UPB1: variants seen among roughly 807,000 people sequenced by gnomAD.
The protein encoded by UPB1 is beta-ureidopropionase 1.
Under a neutral mutation model 49.1 loss-of-function variants are expected in UPB1, and 40 were observed. That is an observed-to-expected ratio of 0.81 (90% CI 0.63 to 1.06). The LOEUF is 1.06. Among genes scored for constraint, UPB1 ranks in the 50% least tolerant of loss-of-function variants. The pLI is 0.00. For synonymous variants in UPB1, 207 were observed against 198.2 expected, an observed-to-expected ratio of 1.04 and a Z score of -0.38; for missense variants, 499 against 505.9, an observed-to-expected ratio of 0.99 and a Z score of 0.13.
intron 5 of UPB1, 27 bp downstream of exon 5, chr22:24,513,512 A>G: frequency 6.2e-7 from 1 of 1,609,538 alleles, no homozygotes; most frequent in South Asian, 1.1e-5. Context: ...ATAGATAACC[A>G]GCCCTGCTCA....
chr22:24,525,945 T>A lies in UPB1; in HGVS notation c.*151T>A. On this transcript the variant is annotated 3_prime_UTR_variant, in exon 10 of 10. Transcript: ENST00000326010. The stretch of plus-strand genomic sequence containing the variant: ...GGCAGGGGGAGAGTGGCATGGGGAG[T>A]GACTTCTTAATGGGTAAGGGGCTGC... The A allele has an allele frequency of 1.1e-6, 1 of 920,948 alleles. No homozygotes were observed. The highest frequency in any genetic ancestry group is 1.7e-6 in the Non-Finnish European group (1 of 578,704). The allele number at this position is 920,948 out of a possible 1,614,324, so 57.0% of individuals were successfully genotyped here. A position where few individuals can be genotyped will look rare whatever the true frequency, so the allele number is the denominator to read the frequency against.
chr22:24,523,786 G>A lies in UPB1; in HGVS notation c.1071+13G>A. The A allele has an allele frequency of 6.2e-7, 1 of 1,614,144 alleles. No homozygotes were observed. Among genetic ancestry groups the A allele is most frequent in the Non-Finnish European group, 8.5e-7 (1 of 1,180,040 alleles). On this transcript the variant is annotated intron_variant, in intron 9 of 9. Coordinates refer to ENST00000326010, the MANE Select transcript of UPB1 (RefSeq NM_016327.3). ...CTGGAACTTCAAGGTAGGTCCCCAG[G>A]ACCCCTGTTGTTGCCTGCTCCTCTG... is the stretch of plus-strand genomic sequence containing the variant.
chr22:24,509,496 T>TTCATCCTG (rs2044157986), intron 3 of UPB1, among the ~76,000 whole-genome samples: 1 of 151,986 alleles, frequency 6.6e-6, no homozygotes, highest in Non-Finnish European at 1.5e-5. Flanking sequence ...CTTGCAGATG[T>TTCATCCTG]TCATCCTGTC....
rs1417903676 is a variant in UPB1 at position 24,500,247 on chromosome 22, C to G, written c.245C>G (p.Pro82Arg). The change falls in exon 2 of 10, where the codon CCC becomes CGC. Residue 82 changes from proline (P) to arginine (R), a missense_variant. Transcript: ENST00000326010. ...GTGGGGCTGGTTCAGAACAGAATCC[C>G]CCTCCCCGCAAATGCCCCTGTGGCA... ...VHVGLVQNRI[P>R]LPANAPVAEQ... is the part of the protein sequence containing the mutation. 9 of 1,614,092 alleles carry G rather than the reference C, an allele frequency of 5.6e-6. No homozygotes were observed. Among genetic ancestry groups the G allele is most frequent in the Non-Finnish European group, 5.9e-6 (7 of 1,180,054 alleles).
At chr22:24,506,682 C>T (rs1286517655) in intron 3 of UPB1, among the ~76,000 whole-genome samples, 1 of 152,242 alleles carries the variant, frequency 6.6e-6, no homozygotes, top group Non-Finnish European at 1.5e-5. Context: ...CTTCATTAGA[C>T]TATGAGCTCC....
In UPB1 at chr22:24,526,002, C is replaced by T; in HGVS notation, c.*208C>T. ...CTGGGGTATTGGAAATGTTTGGGGA[C>T]TAGGTAGAGGTGAATGTACTAAATG... On this transcript the variant is annotated 3_prime_UTR_variant, in exon 10 of 10. Coordinates refer to ENST00000326010, the MANE Select transcript of UPB1 (RefSeq NM_016327.3). The T allele has an allele frequency of 1.6e-6, 1 of 629,520 alleles. No individual in the cohort carries two copies. The allele number at this position is 629,520 out of a possible 1,614,324, so 39.0% of individuals were successfully genotyped here. A position where few individuals can be genotyped will look rare whatever the true frequency, so the allele number is the denominator to read the frequency against.
intron 3 of UPB1, among the ~76,000 whole-genome samples, chr22:24,510,050 T>C (rs2147019655): frequency 6.6e-6 from 1 of 152,116 alleles, no homozygotes; most frequent in East Asian, 1.9e-4. Flanking sequence ...CTGACCAACA[T>C]GGAGAAACCC....
intron 3 of UPB1, 49 bp from the exon 4 acceptor site, chr22:24,510,700 C>T: frequency 6.3e-7 from 1 of 1,589,968 alleles, no homozygotes. Flanking sequence ...GAGCCCCCCT[C>T]AGAGGCTGTG....
Position 24,527,765 on chromosome 22 carries a change from G to C in UPB1, c.*1971G>C, listed in dbSNP as rs1004565833. 5.3e-5 allele frequency: 8 copies of C among 151,214 alleles called. No individual in the cohort carries two copies. Among genetic ancestry groups the C allele is most frequent in the Non-Finnish European group, 1.2e-4 (8 of 67,964 alleles). The allele number at this position is 151,214 out of a possible 1,614,324, so 9.4% of individuals were successfully genotyped here. A position where few individuals can be genotyped will look rare whatever the true frequency, so the allele number is the denominator to read the frequency against. ...ACTTCCTTGAACTCTCTGTGCTGCAGGTTTTCACTTTACCTAATGGCCCTT... is the reference window on the plus strand; with the variant it reads ...ACTTCCTTGAACTCTCTGTGCTGCACGTTTTCACTTTACCTAATGGCCCTT... On this transcript the variant is annotated 3_prime_UTR_variant, in exon 10 of 10. Transcript: ENST00000326010.
chr22:24,520,748 G>A (rs1262314913), intron 7 of UPB1, among the ~76,000 whole-genome samples: 3 of 152,098 alleles, frequency 2.0e-5, no homozygotes, highest in Non-Finnish European at 4.4e-5. Context: ...TAACAGTTTT[G>A]ACTGCCAAAC....
chr22:24,518,792 G>A (rs2044339716), intron 6 of UPB1, among the ~76,000 whole-genome samples: 1 of 152,204 alleles, frequency 6.6e-6, no homozygotes, highest in Non-Finnish European at 1.5e-5. Flanking sequence ...TCTACCACCT[G>A]TGTACATTCA....
At chr22:24,516,569 T>C (rs1352850054) in intron 6 of UPB1, 1 of 152,282 alleles carries the variant, frequency 6.6e-6, no homozygotes, top group Non-Finnish European at 1.5e-5. Context: ...CTTTCTGTGG[T>C]CTTGGCTGCC....
At chr22:24,507,973 T>C (rs1310055968) in intron 3 of UPB1, among the ~76,000 whole-genome samples, 1 of 152,044 alleles carries the variant, frequency 6.6e-6, no homozygotes, top group African/African-American at 2.4e-5. Flanking sequence ...ACCAACCACT[T>C]TTCCGCTGCA....
At chr22:24,496,396 C>T (rs909858253) in intron 1 of UPB1, among the ~76,000 whole-genome samples, 19 of 131,316 alleles carry the variant, frequency 1.4e-4, no homozygotes, top group Admixed American at 2.8e-4. Flanking sequence ...CACACACACA[C>T]ACACACATAC....
intron 9 of UPB1, among the ~76,000 whole-genome samples, chr22:24,524,413 G>C (rs1175862867): frequency 6.6e-6 from 1 of 152,170 alleles, no homozygotes; most frequent in Non-Finnish European, 1.5e-5. Flanking sequence ...CCCTAGAAAG[G>C]CTCACAGCTT....
chr22:24,509,870 T>C (rs1445640294), intron 3 of UPB1, among the ~76,000 whole-genome samples: 1 of 152,164 alleles, frequency 6.6e-6, no homozygotes, highest in Non-Finnish European at 1.5e-5. Flanking sequence ...CTCTACCCAT[T>C]AAACAGTAAC....
At chr22:24,523,989 T>A (rs1380559843) in intron 9 of UPB1, among the ~76,000 whole-genome samples, 3 of 152,224 alleles carry the variant, frequency 2.0e-5, no homozygotes, top group African/African-American at 7.2e-5. Context: ...TGCAATAAAT[T>A]CTCCTCTCAT....
chr22:24,516,967 A>G (rs532441333), intron 6 of UPB1, among the ~76,000 whole-genome samples: 411 of 152,170 alleles, frequency 2.7e-3, no homozygotes, highest in Non-Finnish European at 5.0e-3. Flanking sequence ...CTTGTGATCC[A>G]CCCACCTTGG....
At chr22:24,509,851 A>G (rs1163538525) in intron 3 of UPB1, among the ~76,000 whole-genome samples, 1 of 152,152 alleles carries the variant, frequency 6.6e-6, no homozygotes, top group Non-Finnish European at 1.5e-5. Flanking sequence ...ATCATTCACA[A>G]TTGGACACCT....
Sources: gnomAD v4.1 joint callset for allele counts (sites outside exome capture counted in the v4.1 genomes callset) on GRCh38, gnomAD v4.1.1 for gene constraint, MANE v1.5 for transcripts, NCBI Gene and HGNC (gene_info 2026-07-23, HGNC 2026-07-21) for gene names.